Variants in C18orf54 observed in about 807,000 individuals in gnomAD.
The protein encoded by C18orf54 is lung adenoma susceptibility protein 2.
A neutral mutation model predicts 49.3 loss-of-function variants in C18orf54; 49 were observed. The ratio of observed to expected loss-of-function variants is 0.99; its 90% confidence interval spans 0.79 to 1.26. The LOEUF (loss-of-function observed/expected upper bound fraction) is 1.26. Ranked by LOEUF, C18orf54 falls within the 50% of genes most tolerant of loss-of-function variation. The probability of loss-of-function intolerance (pLI) is 0.00; values close to 1 mark genes in which losing one functional copy is unlikely to be tolerated. For synonymous variants in C18orf54, 211 were observed against 216.6 expected (o/e 0.97, Z 0.23); for missense variants, 687 against 620.6 (o/e 1.11, Z -1.14).
At chr18:54,372,316 T>G in intron 6 of C18orf54, 150 bp from the exon 7 acceptor site, 1 of 739,158 alleles carries the variant, frequency 1.4e-6, no homozygotes, top group South Asian at 4.3e-5. Flanking sequence ...AAGTGGTGAG[T>G]TACAATTTTG....
At chr18:54,367,593 C>T (rs1178327829) in intron 6 of C18orf54, among the ~76,000 whole-genome samples, 1 of 152,122 alleles carries the variant, frequency 6.6e-6, no homozygotes, top group Non-Finnish European at 1.5e-5. Context: ...TACTGTCAGT[C>T]TAATGGGAAT....
At chr18:54,365,867 T>G in intron 6 of C18orf54, 46 bp downstream of exon 6, 11 of 1,105,682 alleles carry the variant, frequency 9.9e-6, no homozygotes, top group Non-Finnish European at 1.4e-5. Context: ...GATATATGAA[T>G]AATATGTAGA....
rs576663102 is a variant in C18orf54, at chr18:54,366,309, G to A, written c.1326+488G>A. ...CTCCCTCCTACCTTTCCCAGTCTCC[G>A]GTAACCACTATTCTACTCTCTATTT... On this transcript the variant is annotated intron_variant, in intron 6 of 8. Coordinates refer to ENST00000620105, the MANE Select transcript of C18orf54 (RefSeq NM_001288980.2). 1.4e-3 allele frequency among the ~76,000 whole-genome samples: 216 copies of A among 151,746 alleles called. 1 individual carries two copies. The highest frequency in any genetic ancestry group is 5.0e-3 in the African/African-American group (209 of 41,478).
intron 2 of C18orf54, among the ~76,000 whole-genome samples, chr18:54,359,500 A>G (rs575321715): frequency 2.6e-4 from 39 of 152,352 alleles, no homozygotes; most frequent in African/African-American, 8.4e-4. Flanking sequence ...TCTCTTATTT[A>G]ATTAGAAAAC....
Position 54,379,843 on chromosome 18 carries a change from T to G in C18orf54, c.*1597T>G, listed in dbSNP as rs1651448815. On this transcript the variant is annotated 3_prime_UTR_variant, in exon 9 of 9. Transcript: ENST00000620105. ...CAGGTGGTAACTTCTAATTGAATATTATATGTTGATCATACATAATATATA... is the reference window on the plus strand; with the variant it reads ...CAGGTGGTAACTTCTAATTGAATATGATATGTTGATCATACATAATATATA... The G allele has an allele frequency of 6.6e-6, 1 of 152,034 alleles. No individual in the cohort carries two copies. The highest frequency in any genetic ancestry group is 1.5e-5 in the Non-Finnish European group (1 of 67,924). The allele number at this position is 152,034 out of a possible 1,614,324, so 9.4% of individuals were successfully genotyped here.
chr18:54,362,395 C>A lies in C18orf54; in HGVS notation c.1036C>A (p.Pro346Thr). The A allele has an allele frequency of 6.5e-7, 1 of 1,531,562 alleles. No homozygotes were observed. 94.9% of individuals were successfully genotyped at this position (1,531,562 alleles called of 1,614,324 possible). The stretch of plus-strand genomic sequence containing the variant: ...ACATAGCCAGTGTCAATGTGAGAAT[C>A]CACTTCTCCCAGGACAATCCACAAA... ...FEHSQCQCENPLLPGQSTKPF... is the reference protein window; with the variant it reads ...FEHSQCQCENTLLPGQSTKPF... Residue 346 changes from proline to threonine, a missense_variant, in exon 4 of 9, where the codon CCA (proline) becomes ACA (threonine). By Grantham distance (38) the Pro-to-Thr change is conservative. Coordinates refer to ENST00000620105, the MANE Select transcript of C18orf54 (RefSeq NM_001288980.2).
Position 54,357,942 on chromosome 18 carries a change from C to A in C18orf54, c.-277C>A, listed in dbSNP as rs768040409. On this transcript the variant is annotated 5_prime_UTR_variant, in exon 1 of 9. Coordinates refer to ENST00000620105, the MANE Select transcript of C18orf54 (RefSeq NM_001288980.2). ...GCGGTTTGAAAGCGAGCGCGGGTGT[C>A]GAGCTCTGCTGTGACTGCGGAGGAA... The A allele has an allele frequency of 6.6e-6, 1 of 152,310 alleles. No homozygotes were observed. The highest frequency in any genetic ancestry group is 2.4e-5 in the African/African-American group (1 of 41,442). 9.4% of individuals were successfully genotyped at this position (152,310 alleles called of 1,614,324 possible). A position where few individuals can be genotyped will look rare whatever the true frequency, so the allele number is the denominator to read the frequency against.
At chr18:54,374,980 C>T (rs550044016) in intron 8 of C18orf54, among the ~76,000 whole-genome samples, 1 of 152,048 alleles carries the variant, frequency 6.6e-6, no homozygotes, top group South Asian at 2.1e-4. Flanking sequence ...GAAAATAAAA[C>T]ACTAGACATG....
chr18:54,375,484 G>T (rs2089555145), intron 8 of C18orf54, among the ~76,000 whole-genome samples: 1 of 148,068 alleles, frequency 6.8e-6, no homozygotes, highest in African/African-American at 2.5e-5. Flanking sequence ...ACTTCATTCT[G>T]CTTTAAAATT....
intron 6 of C18orf54, among the ~76,000 whole-genome samples, chr18:54,366,780 G>C (rs1262899313): frequency 6.7e-6 from 1 of 150,184 alleles, no homozygotes; most frequent in Non-Finnish European, 1.5e-5. Flanking sequence ...CTAACACTTT[G>C]GGTGGCCAAG....
Position 54,380,398 on chromosome 18 carries a change from A to G in C18orf54, c.*2152A>G, listed in dbSNP as rs566250607. The G allele has an allele frequency of 1.3e-3, 198 of 151,640 alleles. 2 individuals are homozygous for G. The highest frequency in any genetic ancestry group is 4.7e-3 in the African/African-American group (194 of 41,360). The allele number at this position is 151,640 out of a possible 1,614,324, so 9.4% of individuals were successfully genotyped here. On this transcript the variant is annotated 3_prime_UTR_variant, in exon 9 of 9. Transcript: ENST00000620105. ...AATGTTAAATAGAAAAAATTAAGAA[A>G]TTTTAATAAGATGTTTCAGATCTTT...
chr18:54,370,698 A>G (rs575376506), intron 6 of C18orf54, among the ~76,000 whole-genome samples: 1 of 152,366 alleles, frequency 6.6e-6, no homozygotes, highest in Admixed American at 6.5e-5. Flanking sequence ...TAACATTGGC[A>G]CAAACAGTTC....
In C18orf54 at chr18:54,362,263, C is replaced by T; in HGVS notation, c.904C>T (p.Leu302Phe). 1.3e-6 allele frequency: 2 copies of T among 1,536,398 alleles called. No individual in the cohort carries two copies. Among genetic ancestry groups the T allele is most frequent in the Non-Finnish European group, 1.7e-6 (2 of 1,146,922 alleles). ...TCATCAGGCACAAGGAACTTCTCGGCTTATCAATAAATTAGATTGTTTTGA... is the reference window on the plus strand; with the variant it reads ...TCATCAGGCACAAGGAACTTCTCGGTTTATCAATAAATTAGATTGTTTTGA... ...HSHQAQGTSR[L>F]INKLDCFEYA... is the part of the protein sequence containing the mutation. Residue 302 changes from leucine to phenylalanine, a missense_variant, in exon 4 of 9, where the codon CTT (leucine) becomes TTT (phenylalanine). Leu to Phe is a conservative substitution (Grantham distance 22). Transcript: ENST00000620105.
Position 54,372,710 on chromosome 18 carries a change from C to T in C18orf54, c.1458+113C>T, listed in dbSNP as rs181921467. 643 of 971,774 alleles carry T rather than the reference C, an allele frequency of 6.6e-4. 3 individuals are homozygous for T. The highest frequency in any genetic ancestry group is 2.8e-3 in the South Asian group (126 of 45,128). The allele number at this position is 971,774 out of a possible 1,614,324, so 60.2% of individuals were successfully genotyped here. A position where few individuals can be genotyped will look rare whatever the true frequency, so the allele number is the denominator to read the frequency against. On this transcript the variant is annotated intron_variant, in intron 7 of 8. Coordinates refer to ENST00000620105, the MANE Select transcript of C18orf54 (RefSeq NM_001288980.2). ...TTATGTTAGTAAGCATGCCACATTA[C>T]ACATGTTGTAAGTGGCAGTAGTTTT...
chr18:54,362,432 G>T lies in C18orf54; in HGVS notation c.1072+1G>T, dbSNP rs1447659870. On this transcript the variant is annotated splice_donor_variant, in intron 4 of 8. Coordinates refer to ENST00000620105, the MANE Select transcript of C18orf54 (RefSeq NM_001288980.2). LOFTEE classifies it high-confidence loss of function. The stretch of plus-strand genomic sequence containing the variant: ...GGACAATCCACAAAGCCATTCAGTG[G>T]TAATACTTTGTTTATTGCTTATAGT... 1.3e-6 allele frequency: 2 copies of T among 1,486,416 alleles called. No homozygotes were observed. Among genetic ancestry groups the T allele is most frequent in the Non-Finnish European group, 8.9e-7 (1 of 1,126,218 alleles). 92.1% of individuals were successfully genotyped at this position (1,486,416 alleles called of 1,614,324 possible). A position where few individuals can be genotyped will look rare whatever the true frequency, so the allele number is the denominator to read the frequency against.
intron 7 of C18orf54, among the ~76,000 whole-genome samples, chr18:54,373,632 A>T (rs530607196): frequency 2.6e-5 from 4 of 151,728 alleles, no homozygotes; most frequent in Non-Finnish European, 5.9e-5. Context: ...TCATTTATCA[A>T]TTTCCTTTTC....
chr18:54,373,999 G>A (rs1288401977), intron 7 of C18orf54, among the ~76,000 whole-genome samples: 1 of 151,852 alleles, frequency 6.6e-6, no homozygotes, highest in African/African-American at 2.4e-5. Context: ...ATGGACATAT[G>A]TGTAGAAGTA....
At chr18:54,364,377 C>A (rs2089337595) in intron 5 of C18orf54, among the ~76,000 whole-genome samples, 4 of 152,004 alleles carry the variant, frequency 2.6e-5, no homozygotes, top group Admixed American at 2.6e-4. Context: ...TAACTTCTAG[C>A]TTGTATAATT....
intron 6 of C18orf54, among the ~76,000 whole-genome samples, 162 bp from the exon 7 acceptor site, chr18:54,372,304 G>A (rs566361711): frequency 1.3e-5 from 2 of 152,068 alleles, no homozygotes; most frequent in Admixed American, 6.5e-5. Flanking sequence ...CTGGGGATGG[G>A]GAAGTGGTGA....
Sources: gnomAD v4.1 joint callset for allele counts (sites outside exome capture counted in the v4.1 genomes callset) on GRCh38, gnomAD v4.1.1 for gene constraint, MANE v1.5 for transcripts, NCBI Gene and HGNC (gene_info 2026-07-23, HGNC 2026-07-21) for gene names.